The following PTPRD variants were observed in gnomAD, a reference collection of about 807,000 sequenced individuals.
PTPRD encodes the protein protein tyrosine phosphatase receptor type D, also known as receptor-type tyrosine-protein phosphatase delta.
Under a neutral mutation model 214.5 loss-of-function variants are expected in PTPRD, and 34 were observed. The ratio of observed to expected loss-of-function variants is 0.16; its 90% CI spans 0.12 to 0.21. The LOEUF is 0.21. PTPRD is among the 10% of genes least tolerant of loss of function. The pLI is 1.00. For missense variants in PTPRD, 2,545 were observed against 2,398.7 expected (o/e 1.06, Z -1.27); for synonymous variants, 1,128 against 845.7 (o/e 1.33, Z -5.79).
chr9:8,946,650 C>G (rs1239042779), intron 11 of PTPRD, among the ~76,000 whole-genome samples: 1 of 152,086 alleles, frequency 6.6e-6, no homozygotes, highest in Non-Finnish European at 1.5e-5. Flanking sequence ...ATGTAAGGGC[C>G]AAGGACCAGG....
intron 2 of PTPRD, among the ~76,000 whole-genome samples, chr9:10,600,754 G>A (rs546784236): frequency 4.0e-5 from 6 of 151,712 alleles, no homozygotes; most frequent in African/African-American, 1.4e-4. Flanking sequence ...CAAAAACAGA[G>A]GTCCCTCAAA....
At chr9:8,932,051 CTT>C (rs2098956648) in intron 11 of PTPRD, among the ~76,000 whole-genome samples, 1 of 152,134 alleles carries the variant, frequency 6.6e-6, no homozygotes, top group Admixed American at 6.5e-5. Flanking sequence ...ATTCTTCTCT[CTT>C]TTCTTCTTTA....
chr9:9,457,822 A>T lies in PTPRD; in HGVS notation c.-236-60340T>A, dbSNP rs148601545. On this transcript the variant is annotated intron_variant, in intron 8 of 45. Coordinates refer to ENST00000381196, the MANE Select transcript of PTPRD (RefSeq NM_002839.4). ...GACAAATTATGTATGTTCCCCTCTCATAACTTTACCCCAGGGCATTTTTTC... is the reference window on the plus strand; with the variant it reads ...GACAAATTATGTATGTTCCCCTCTCTTAACTTTACCCCAGGGCATTTTTTC... Among the ~76,000 whole-genome samples the T allele has an allele frequency of 3.0e-3, 459 of 152,114 alleles. 2 individuals are homozygous for T. The highest frequency in any genetic ancestry group is 4.7e-3 in the Admixed American group (71 of 15,260).
chr9:9,748,943 T>C (rs1596645920), intron 6 of PTPRD, among the ~76,000 whole-genome samples: 1 of 152,190 alleles, frequency 6.6e-6, no homozygotes, highest in African/African-American at 2.4e-5. Flanking sequence ...ACATGGCTGG[T>C]GATAATTTGA....
chr9:8,931,086 T>C (rs1010404856), intron 11 of PTPRD, among the ~76,000 whole-genome samples: 6 of 152,168 alleles, frequency 3.9e-5, no homozygotes, highest in African/African-American at 1.4e-4. Context: ...ACGGTTTTTA[T>C]GGGTTTAGGT....
intron 5 of PTPRD, among the ~76,000 whole-genome samples, chr9:9,807,880 G>A (rs2045930722): frequency 6.6e-6 from 1 of 152,082 alleles, no homozygotes; most frequent in Non-Finnish European, 1.5e-5. Flanking sequence ...ATATAATTCT[G>A]ATGTTTGTTC....
In PTPRD at chr9:8,492,921, T is replaced by G. The variant is rs2136306470; in HGVS notation, c.2408A>C (p.Tyr803Ser). ...ETSYSLTVTAYTTKGDGARSK... is the reference protein window; with the variant it reads ...ETSYSLTVTASTTKGDGARSK... ...GCGAGCACCATCTCCTTTGGTTGTGTAGGCTGTGACGGTGAGGGAGTAGGA... is the reference window on the plus strand; with the variant it reads ...GCGAGCACCATCTCCTTTGGTTGTGGAGGCTGTGACGGTGAGGGAGTAGGA... The change falls in exon 27 of 46, where the codon TAC (tyrosine) becomes TCC (serine). Residue 803 changes from tyrosine (Y) to serine (S), a missense_variant. Transcript: ENST00000381196. 2 of 1,613,918 alleles carry G rather than the reference T, an allele frequency of 1.2e-6. No homozygotes were observed. Among genetic ancestry groups the G allele is most frequent in the Non-Finnish European group, 1.7e-6 (2 of 1,179,836 alleles).
intron 4 of PTPRD, among the ~76,000 whole-genome samples, chr9:9,963,662 T>C (rs1474128104): frequency 6.6e-6 from 1 of 152,124 alleles, no homozygotes; most frequent in Non-Finnish European, 1.5e-5. Flanking sequence ...TTTAATCATG[T>C]AACAGAGCCT....
At chr9:10,388,622 T>A (rs2097978368) in intron 2 of PTPRD, among the ~76,000 whole-genome samples, 1 of 151,870 alleles carries the variant, frequency 6.6e-6, no homozygotes, top group Admixed American at 6.6e-5. Flanking sequence ...AATAACATAC[T>A]ATAATGACAA....
intron 11 of PTPRD, among the ~76,000 whole-genome samples, chr9:8,802,307 C>T (rs2096587611): frequency 6.6e-6 from 1 of 152,126 alleles, no homozygotes; most frequent in Non-Finnish European, 1.5e-5. Context: ...ACAGAAATCT[C>T]TACTTCAGAC....
chr9:9,007,576 A>C (rs1248096897), intron 11 of PTPRD, among the ~76,000 whole-genome samples: 1 of 151,852 alleles, frequency 6.6e-6, no homozygotes, highest in Non-Finnish European at 1.5e-5. Flanking sequence ...AAACAGCTAA[A>C]ACTTTCCATC....
At chr9:9,297,610 A>T (rs1399065283) in intron 9 of PTPRD, among the ~76,000 whole-genome samples, 1 of 151,718 alleles carries the variant, frequency 6.6e-6, no homozygotes, top group Non-Finnish European at 1.5e-5. Context: ...CAGAAATATA[A>T]TTTTTAGTTA....
chr9:9,800,058 TGAATTCCCG>T (rs1218729762), intron 5 of PTPRD, among the ~76,000 whole-genome samples: 7 of 152,194 alleles, frequency 4.6e-5, no homozygotes, highest in African/African-American at 1.7e-4. Flanking sequence ...AATAAAATAT[TGAATTCCCG>T]AAGAGATTTC....
intron 3 of PTPRD, among the ~76,000 whole-genome samples, chr9:10,311,842 TA>T (rs1339978830): frequency 6.6e-6 from 1 of 152,032 alleles, no homozygotes; most frequent in Non-Finnish European, 1.5e-5. Flanking sequence ...TCTGATGACA[TA>T]AAATGCTTTT....
chr9:9,762,192 G>C (rs2098663940), intron 6 of PTPRD, among the ~76,000 whole-genome samples: 2 of 152,134 alleles, frequency 1.3e-5, no homozygotes, highest in Admixed American at 1.3e-4. Context: ...TTCCCTCTTG[G>C]AAGAATAGTG....
intron 35 of PTPRD, among the ~76,000 whole-genome samples, chr9:8,435,241 G>A (rs1442145585): frequency 6.6e-6 from 1 of 152,178 alleles, no homozygotes; most frequent in African/African-American, 2.4e-5. Flanking sequence ...CCATGCCACA[G>A]GCCTCACTGC....
At chr9:9,988,803 G>C (rs746137469) in intron 4 of PTPRD, among the ~76,000 whole-genome samples, 2 of 151,598 alleles carry the variant, frequency 1.3e-5, no homozygotes, top group Admixed American at 6.6e-5. Flanking sequence ...TAAAAGGAAG[G>C]CTTTTATTTT....
chr9:8,986,753 T>C (rs1030879288), intron 11 of PTPRD, among the ~76,000 whole-genome samples: 1 of 152,100 alleles, frequency 6.6e-6, no homozygotes, highest in African/African-American at 2.4e-5. Flanking sequence ...TACAAATGTG[T>C]AAGCATTTTA....
intron 35 of PTPRD, among the ~76,000 whole-genome samples, chr9:8,416,796 C>G (rs1001812423): frequency 4.6e-5 from 7 of 151,976 alleles, no homozygotes; most frequent in Non-Finnish European, 1.0e-4. Context: ...CTTACAGAAT[C>G]TCATGTAATT....
Sources: allele counts gnomAD v4.1 joint callset (sites outside exome capture counted in the v4.1 genomes callset), GRCh38; gene constraint gnomAD v4.1.1; transcripts MANE v1.5; gene names NCBI Gene and HGNC (gene_info 2026-07-23, HGNC 2026-07-21).